The following LURAP1L variants were observed in gnomAD, a reference collection of about 807,000 sequenced individuals.
The protein encoded by LURAP1L is leucine rich adaptor protein 1 like, also known as leucine rich adaptor protein 1-like.
LURAP1L carries 12 observed loss-of-function variants against 13.8 expected under a neutral mutation model. That is an observed-to-expected ratio of 0.87 (90% CI 0.56 to 1.41). The LOEUF (loss-of-function observed/expected upper bound fraction) is 1.41. Among genes scored for constraint, LURAP1L ranks in the 40% most tolerant of loss-of-function variants. The pLI, the probability that LURAP1L is intolerant of heterozygous loss-of-function variation, is 0.00. For synonymous variants in LURAP1L, 139 were observed against 119.2 expected, an observed-to-expected ratio of 1.17 and a Z score of -1.08; for missense variants, 375 against 292.9, an observed-to-expected ratio of 1.28 and a Z score of -2.04.
intron 1 of LURAP1L, among the ~76,000 whole-genome samples, chr9:12,815,775 A>G (rs1819797102): frequency 6.6e-6 from 1 of 152,218 alleles, no homozygotes; most frequent in Non-Finnish European, 1.5e-5. Flanking sequence ...TTTGGAAGAT[A>G]TATTCAGCAG....
At chr9:12,791,564 C>G (rs1563890344) in intron 1 of LURAP1L, among the ~76,000 whole-genome samples, 1 of 151,410 alleles carries the variant, frequency 6.6e-6, no homozygotes, top group South Asian at 2.1e-4. Context: ...AAAAGAGTAC[C>G]AAAAGTTGCT....
In LURAP1L at chr9:12,822,094, C is replaced by A. The variant is rs187886015; in HGVS notation, c.*334C>A. The A allele has an allele frequency of 9.9e-6, 2 of 202,152 alleles. No individual in the cohort carries two copies. The highest frequency in any genetic ancestry group is 4.6e-5 in the African/African-American group (2 of 43,018). The allele number at this position is 202,152 out of a possible 1,614,324, so 12.5% of individuals were successfully genotyped here. ...GTCAGGGATTACAAGAAAAACTTTGCTAAATTTTACAATAAACCAAAGTCT... is the reference window on the plus strand; with the variant it reads ...GTCAGGGATTACAAGAAAAACTTTGATAAATTTTACAATAAACCAAAGTCT... On this transcript the variant is annotated 3_prime_UTR_variant, in exon 2 of 2. Transcript: ENST00000319264.
chr9:12,799,859 G>A (rs1819560302), intron 1 of LURAP1L, among the ~76,000 whole-genome samples: 2 of 142,910 alleles, frequency 1.4e-5, no homozygotes, highest in African/African-American at 5.3e-5. Context: ...GGGCGACAGA[G>A]CGAGACTCCG....
At chr9:12,818,415 C>T (rs1819831573) in intron 1 of LURAP1L, among the ~76,000 whole-genome samples, 1 of 152,182 alleles carries the variant, frequency 6.6e-6, no homozygotes. Flanking sequence ...TTCCAAAAAT[C>T]AACCAATTAT....
intron 1 of LURAP1L, among the ~76,000 whole-genome samples, chr9:12,793,033 G>T (rs1010158168): frequency 6.6e-6 from 1 of 152,088 alleles, no homozygotes; most frequent in East Asian, 1.9e-4. Flanking sequence ...AAACGAACTA[G>T]AACATAAGAA....
chr9:12,785,797 C>A (rs951195040), intron 1 of LURAP1L, among the ~76,000 whole-genome samples: 1 of 152,178 alleles, frequency 6.6e-6, no homozygotes, highest in South Asian at 2.1e-4. Flanking sequence ...TCAGTGCCTT[C>A]TTCCTTGATA....
intron 1 of LURAP1L, chr9:12,777,734 T>C (rs1448595961): frequency 1.6e-5 from 4 of 250,460 alleles, no homozygotes; most frequent in South Asian, 1.5e-4. Context: ...ATGATTGGTA[T>C]GTATGTGAAG....
At chr9:12,781,393 C>T (rs1289549015) in intron 1 of LURAP1L, among the ~76,000 whole-genome samples, 4 of 152,216 alleles carry the variant, frequency 2.6e-5, no homozygotes, top group African/African-American at 4.8e-5. Context: ...AACCATTCCA[C>T]TTCCCCCCAG....
At chr9:12,790,226 G>A (rs757318002) in intron 1 of LURAP1L, among the ~76,000 whole-genome samples, 1 of 151,956 alleles carries the variant, frequency 6.6e-6, no homozygotes, top group Non-Finnish European at 1.5e-5. Flanking sequence ...CAAATTTTAG[G>A]CTCCCTCTCT....
chr9:12,785,304 G>A (rs528681190), intron 1 of LURAP1L, among the ~76,000 whole-genome samples: 30 of 152,088 alleles, frequency 2.0e-4, no homozygotes, highest in Non-Finnish European at 3.4e-4. Flanking sequence ...CCAAAACTGC[G>A]AGCTGCACTG....
At chr9:12,821,320 G>A (rs2118558797) in intron 1 of LURAP1L, 66 bp from the exon 2 acceptor site, 8 of 1,518,916 alleles carry the variant, frequency 5.3e-6, no homozygotes, top group Admixed American at 1.9e-5. Context: ...ACAGTCCCCA[G>A]ATGAATTTGA....
chr9:12,812,194 G>A (rs1176853782), intron 1 of LURAP1L, among the ~76,000 whole-genome samples: 1 of 152,166 alleles, frequency 6.6e-6, no homozygotes, highest in Non-Finnish European at 1.5e-5. Flanking sequence ...TCCGATACCA[G>A]GATAGGGAAC....
chr9:12,805,351 GAAGAA>G (rs1014554702), intron 1 of LURAP1L, among the ~76,000 whole-genome samples: 2 of 152,194 alleles, frequency 1.3e-5, no homozygotes, highest in Non-Finnish European at 2.9e-5. Context: ...GTATATCCTA[GAAGAA>G]AAGACTTCAT....
chr9:12,808,309 T>G (rs1292133582), intron 1 of LURAP1L, among the ~76,000 whole-genome samples: 1 of 152,126 alleles, frequency 6.6e-6, no homozygotes, highest in Non-Finnish European at 1.5e-5. Flanking sequence ...TCTTTAGTAT[T>G]TACTACTTCA....
At chr9:12,802,730 C>A (rs991475620) in intron 1 of LURAP1L, among the ~76,000 whole-genome samples, 1 of 152,066 alleles carries the variant, frequency 6.6e-6, no homozygotes, top group South Asian at 2.1e-4. Context: ...ATGTGTTGAG[C>A]TTGTCTATGG....
chr9:12,783,356 T>A (rs1448607973), intron 1 of LURAP1L, among the ~76,000 whole-genome samples: 1 of 152,164 alleles, frequency 6.6e-6, no homozygotes, highest in Non-Finnish European at 1.5e-5. Context: ...TTATATGGCT[T>A]TTATTGTGCA....
chr9:12,793,742 T>C (rs926654582), intron 1 of LURAP1L, among the ~76,000 whole-genome samples: 6 of 152,076 alleles, frequency 3.9e-5, no homozygotes, highest in Admixed American at 6.6e-5. Context: ...CTAGTCATAG[T>C]ACAAAGAAAT....
chr9:12,793,640 T>C lies in LURAP1L; in HGVS notation c.312+17613T>C, dbSNP rs554014295. On this transcript the variant is annotated intron_variant, in intron 1 of 1. Coordinates refer to ENST00000319264, the MANE Select transcript of LURAP1L (RefSeq NM_203403.2). ...GAAGTTGAAATCTTATGGGGATTCA[T>C]ACATGATATGATCAAAAATTTTGAG... Among the ~76,000 whole-genome samples, 5 of 152,210 alleles carry C rather than the reference T, an allele frequency of 3.3e-5. No homozygotes were observed. The South Asian group carries it at 6.2e-4, about 19-fold the overall frequency.
intron 1 of LURAP1L, among the ~76,000 whole-genome samples, chr9:12,794,179 C>T (rs910334304): frequency 1.3e-5 from 2 of 152,014 alleles, no homozygotes; most frequent in Non-Finnish European, 2.9e-5. Context: ...GTTCCGAGTG[C>T]CATGCAGCAG....
Sources: gnomAD v4.1 joint callset for allele counts (sites outside exome capture counted in the v4.1 genomes callset) on GRCh38, gnomAD v4.1.1 for gene constraint, MANE v1.5 for transcripts, NCBI Gene and HGNC (gene_info 2026-07-23, HGNC 2026-07-21) for gene names.